The following COLEC12 variants were observed in gnomAD, a reference collection of about 807,000 sequenced individuals.
COLEC12 encodes collectin-12.
Under a neutral mutation model 71.1 loss-of-function variants are expected in COLEC12, and 33 were observed. That is an observed-to-expected ratio of 0.46 (90% confidence interval 0.35 to 0.62). COLEC12 has a LOEUF of 0.62. Ranked by LOEUF, COLEC12 falls within the 20% of genes least tolerant of loss-of-function variation. The pLI is 0.00. For synonymous variants in COLEC12, 350 were observed against 353.0 expected, an observed-to-expected ratio of 0.99 and a Z score of 0.10; for missense variants, 765 against 916.1, an observed-to-expected ratio of 0.84 and a Z score of 2.13.
At chr18:483,084 T>C (rs1917454656) in intron 1 of COLEC12, among the ~76,000 whole-genome samples, 2 of 152,136 alleles carry the variant, frequency 1.3e-5, no homozygotes, top group South Asian at 4.1e-4. Flanking sequence ...AGAATACTTG[T>C]TTGTTACAAT....
In COLEC12 at chr18:331,761, T is replaced by C. The variant is rs1166425392; in HGVS notation, c.1970A>G (p.Gln657Arg). The change falls in exon 8 of 10, where the codon CAG (glutamine) becomes CGG (arginine). Residue 657 changes from glutamine to arginine, a missense_variant. By Grantham distance (43) the Gln-to-Arg change is conservative. Coordinates refer to ENST00000400256, the MANE Select transcript of COLEC12 (RefSeq NM_130386.3). Reference sequence around the variant, plus strand: ...CCAGTGGCTCTCTCTCCCTACCATCTGTTTTTTTATCCATTGCTGAAAAAC... The same window carrying C: ...CCAGTGGCTCTCTCTCCCTACCATCCGTTTTTTTATCCATTGCTGAAAAAC... The part of the protein sequence containing the change: ...TREEQQWIKK[Q>R]MVGRESHWIG... 6.2e-7 allele frequency: 1 copy of C among 1,613,108 alleles called. No homozygotes were observed.
chr18:443,798 T>C (rs1916592707), intron 2 of COLEC12, among the ~76,000 whole-genome samples: 1 of 152,168 alleles, frequency 6.6e-6, no homozygotes, highest in South Asian at 2.1e-4. Flanking sequence ...TAGGAGGTGT[T>C]TGGATCATGG....
rs1402740032 is a variant in COLEC12, at chr18:475,555, C to T, written c.58+5152G>A. Among the ~76,000 whole-genome samples the T allele has an allele frequency of 5.3e-5, 8 of 152,210 alleles. No individual in the cohort carries two copies. In the East Asian group the frequency reaches 1.5e-3, roughly 29 times the overall value. ...AAAGCCCAGCAACAAGAAGTAGAGG[C>T]ATCCAAGTGTTTATCTTGAGCAGCT... On this transcript the variant is annotated intron_variant, in intron 2 of 9. Transcript: ENST00000400256.
chr18:340,084 A>AAAAAAAC lies in COLEC12; in HGVS notation c.1328-4855_1328-4854insGTTTTTT, dbSNP rs1555613044. ...CTTAGTGCCTGAAAGCAAAAAAAAA[A>AAAAAAAC]AAAAAAACAAAAAGAACAGAGTGTT... is the stretch of plus-strand genomic sequence containing the variant. On this transcript the variant is annotated intron_variant, in intron 5 of 9. Transcript: ENST00000400256. Among the ~76,000 whole-genome samples the AAAAAAAC allele has an allele frequency of 1.3e-4, 19 of 151,350 alleles. 1 individual carries two copies. Among genetic ancestry groups the AAAAAAAC allele is most frequent in the African/African-American group, 4.1e-4 (17 of 41,258 alleles).
At chr18:448,469 G>C (rs1375889532) in intron 2 of COLEC12, among the ~76,000 whole-genome samples, 1 of 152,154 alleles carries the variant, frequency 6.6e-6, no homozygotes. Flanking sequence ...CCCAGACTCT[G>C]TTATATAAAA....
At chr18:495,038 G>T (rs1439527815) in intron 1 of COLEC12, among the ~76,000 whole-genome samples, 1 of 152,156 alleles carries the variant, frequency 6.6e-6, no homozygotes, top group Non-Finnish European at 1.5e-5. Context: ...GAGCTCCTAG[G>T]ATCTCTTTGG....
At position 362,198 on chromosome 18, in the gene COLEC12, C is replaced by T. The variant is rs537458373; in HGVS notation, c.59-4676G>A. 3.9e-5 allele frequency among the ~76,000 whole-genome samples: 6 copies of T among 152,284 alleles called. No homozygotes were observed. Among genetic ancestry groups the T allele is most frequent in the South Asian group, 2.1e-4 (1 of 4,814 alleles). On this transcript the variant is annotated intron_variant, in intron 2 of 9. Coordinates refer to ENST00000400256, the MANE Select transcript of COLEC12 (RefSeq NM_130386.3). This position sits in a 1 kb window ranked among gnomAD's most constrained non-coding sequence, Gnocchi z 4.6. ...GGACAGCTGTCACTGGTTCACATTC[C>T]AAAGAGCTGGGGCACTTCCTCACCG...
Position 399,352 on chromosome 18 carries a change from C to T in COLEC12, c.59-41830G>A, listed in dbSNP as rs555155834. On this transcript the variant is annotated intron_variant, in intron 2 of 9. Coordinates refer to ENST00000400256, the MANE Select transcript of COLEC12 (RefSeq NM_130386.3). This position sits in a 1 kb window ranked among gnomAD's most constrained non-coding sequence, Gnocchi z 4.0. ...CCAGGAAAGCAGGCCAGACGAGAGGCTTTTTGGAAGGGTTCTCATCACTGT... is the reference window on the plus strand; with the variant it reads ...CCAGGAAAGCAGGCCAGACGAGAGGTTTTTTGGAAGGGTTCTCATCACTGT... Among the ~76,000 whole-genome samples, 9 of 152,328 alleles carry T rather than the reference C, an allele frequency of 5.9e-5. No homozygotes were observed. Among genetic ancestry groups the T allele is most frequent in the Non-Finnish European group, 8.8e-5 (6 of 68,032 alleles).
chr18:480,688 C>A lies in COLEC12; in HGVS notation c.58+19G>T, dbSNP rs1917396854. ...CCAGGTTGACCACTGAGAAGGAACA[C>A]AGCTTTGTTAGGACTCACCAAACCG... On this transcript the variant is annotated intron_variant, in intron 2 of 9. Coordinates refer to ENST00000400256, the MANE Select transcript of COLEC12 (RefSeq NM_130386.3). This position sits in a 1 kb window ranked among gnomAD's most constrained non-coding sequence, Gnocchi z 4.1. The A allele has an allele frequency of 6.2e-7, 1 of 1,612,162 alleles. No individual in the cohort carries two copies. The highest frequency in any genetic ancestry group is 1.3e-5 in the African/African-American group (1 of 74,900).
At chr18:425,448 TA>T (rs1383244827) in intron 2 of COLEC12, among the ~76,000 whole-genome samples, 1 of 152,178 alleles carries the variant, frequency 6.6e-6, no homozygotes, top group Non-Finnish European at 1.5e-5. Context: ...AAATGCAGAC[TA>T]GACCAGGAGG....
At chr18:425,296 C>T (rs748779321) in intron 2 of COLEC12, among the ~76,000 whole-genome samples, 3 of 152,216 alleles carry the variant, frequency 2.0e-5, no homozygotes, top group African/African-American at 4.8e-5. Context: ...TTCCTACACA[C>T]GGGGTCATGC....
intron 2 of COLEC12, among the ~76,000 whole-genome samples, chr18:391,150 G>A (rs557950365): frequency 9.2e-5 from 14 of 152,256 alleles, no homozygotes; most frequent in African/African-American, 2.2e-4. Flanking sequence ...TCGCCTTAAC[G>A]TGAGGAGGGC....
chr18:339,947 C>T (rs914456607), intron 5 of COLEC12, among the ~76,000 whole-genome samples: 2 of 151,866 alleles, frequency 1.3e-5, no homozygotes, highest in African/African-American at 4.8e-5. Context: ...GATGCTGGCA[C>T]TGCTGATTAG....
intron 7 of COLEC12, 38 bp from the exon 8 acceptor site, chr18:331,815 C>A (rs1913990011): frequency 8.1e-7 from 1 of 1,238,486 alleles, no homozygotes; most frequent in Non-Finnish European, 1.2e-6. Flanking sequence ...GACTATTTTT[C>A]AGAACAGATG....
At position 480,733 on chromosome 18, in the gene COLEC12, A is replaced by T; in HGVS notation, c.32T>A (p.Val11Glu). 1.9e-6 allele frequency: 3 copies of T among 1,613,740 alleles called. No homozygotes were observed. Among genetic ancestry groups the T allele is most frequent in the Non-Finnish European group, 2.5e-6 (3 of 1,179,850 alleles). The change falls in exon 2 of 10, where the codon GTG (valine) becomes GAG (glutamate). Residue 11 changes from valine (V) to glutamate (E), a missense_variant. By Grantham distance (121) the Val-to-Glu change is moderately radical (BLOSUM62 -2). Transcript: ENST00000400256. The surrounding 1 kb of genome is among the most constrained non-coding windows in gnomAD (Gnocchi z 4.1). MKDDFAEEEE[V>E]QSFGYKRFGI... ...AAACCGCTTGTAACCGAAGGATTGC[A>T]CCTCCTCCTCCTCTGCGAAGTCGTC... is the stretch of plus-strand genomic sequence containing the variant.
At chr18:415,860 T>C (rs1915976441) in intron 2 of COLEC12, among the ~76,000 whole-genome samples, 1 of 152,208 alleles carries the variant, frequency 6.6e-6, no homozygotes, top group Non-Finnish European at 1.5e-5. Flanking sequence ...GTTTATTCAG[T>C]TGCCTGTCAT....
intron 1 of COLEC12, among the ~76,000 whole-genome samples, chr18:493,844 G>T (rs1419171427): frequency 6.6e-6 from 1 of 152,162 alleles, no homozygotes; most frequent in African/African-American, 2.4e-5. Flanking sequence ...ACATACATCT[G>T]TCCGAATACT....
chr18:346,532 G>A lies in COLEC12; in HGVS notation c.1090C>T (p.Leu364=), dbSNP rs1914374639. ...GTGCAAGTGGTCCTGACTTCATTTA[G>A]ATTGCTGGTCAGCGTCCGCAGGTGG... ...AHHLRTLTSN[L]NEVRTTCTDT... The change falls in exon 5 of 10, where the codon CTA becomes TTA. Residue 364 remains leucine, a synonymous_variant. Transcript: ENST00000400256. This position sits in a 1 kb window ranked among gnomAD's most constrained non-coding sequence, Gnocchi z 4.0. The A allele has an allele frequency of 1.9e-6, 3 of 1,614,140 alleles. No homozygotes were observed. In the African/African-American group the frequency reaches 4.0e-5, roughly 22 times the overall value.
chr18:460,856 T>C (rs1028568232), intron 2 of COLEC12, among the ~76,000 whole-genome samples: 2 of 152,198 alleles, frequency 1.3e-5, no homozygotes, highest in South Asian at 2.1e-4. Context: ...CCTTATTAGG[T>C]GCACATATCA....
Sources: gnomAD v4.1 joint callset for allele counts (sites outside exome capture counted in the v4.1 genomes callset) on GRCh38, gnomAD v4.1.1 for gene constraint, Gnocchi (gnomAD v3.1) non-coding constraint, MANE v1.5 for transcripts, NCBI Gene and HGNC (gene_info 2026-07-23, HGNC 2026-07-21) for gene names.